PTCH2: variants seen among roughly 807,000 people sequenced by gnomAD.
The protein encoded by PTCH2 is patched 2, also known as protein patched homolog 2.
A neutral mutation model predicts 117.9 loss-of-function variants in PTCH2; 96 were observed. The observed-to-expected ratio is 0.81, with a 90% CI of 0.69 to 0.96. PTCH2 has a LOEUF of 0.96. PTCH2 is among the 50% of genes least tolerant of loss of function. PTCH2 has a pLI of 0.00. For synonymous variants in PTCH2, 615 were observed against 660.9 expected (o/e 0.93, Z 1.06); for missense variants, 1,379 against 1,562.5 (o/e 0.88, Z 1.98).
In PTCH2 at chr1:44,828,185, G is replaced by A. The variant is rs1313592725; in HGVS notation, c.1716C>T (p.Cys572=). ...GCAGGATCTGAATCACCTGAGCAGA[G>A]CAGGGACTGGAAGAGGTAGAGAGTG... ...LDVLCCFSSP[C]SAQVIQILPQ... Residue 572 remains cysteine (C), a synonymous_variant, in exon 14 of 22, where the codon TGC becomes TGT. Transcript: ENST00000372192. The A allele has an allele frequency of 3.1e-6, 5 of 1,613,424 alleles. No individual in the cohort carries two copies. The highest frequency in any genetic ancestry group is 4.2e-6 in the Non-Finnish European group (5 of 1,180,002).
At chr1:44,839,381 A>AAAAAAAAAAAAAAAAAAAAAAAAAAG (rs1432034383) in intron 2 of PTCH2, among the ~76,000 whole-genome samples, 1 of 150,458 alleles carries the variant, frequency 6.6e-6, no homozygotes, top group Non-Finnish European at 1.5e-5. Flanking sequence ...AAAAAAAAAA[A>AAAAAAAAAAAAAAAAAAAAAAAAAAG]AACAGAAAGA....
rs375690860 is a variant in PTCH2, at chr1:44,827,170, G to A, written c.2511C>T (p.Ser837=). The A allele has an allele frequency of 5.0e-6, 8 of 1,614,056 alleles. No individual in the cohort carries two copies. The African/African-American group carries it at 1.1e-4, about 22-fold the overall frequency. The change falls in exon 16 of 22, where the codon AGC becomes AGT. Residue 837 remains serine, a synonymous_variant. Coordinates refer to ENST00000372192, the MANE Select transcript of PTCH2 (RefSeq NM_003738.5). Reference sequence around the variant, plus strand: ...ACCCCTCCAGCCCTCTCCCAACCTGGCTGAAATCCAGAGGCTCCTGGGCGT... The same window carrying A: ...ACCCCTCCAGCCCTCTCCCAACCTGACTGAAATCCAGAGGCTCCTGGGCGT... ...TGDAQEPLDF[S]QLTTRKLVDR...
In PTCH2 at chr1:44,831,577, T is replaced by G; in HGVS notation, c.617+129A>C. The G allele has an allele frequency of 1.1e-6, 1 of 925,966 alleles. No homozygotes were observed. The highest frequency in any genetic ancestry group is 1.7e-6 in the Non-Finnish European group (1 of 589,302). The allele number at this position is 925,966 out of a possible 1,614,324, so 57.4% of individuals were successfully genotyped here. ...GAGAGCCTTGGGGAAGCCCATGCTC[T>G]CTGTTCCTGGCCTGGGAGGTAATTA... On this transcript the variant is annotated intron_variant, in intron 5 of 21. Coordinates refer to ENST00000372192, the MANE Select transcript of PTCH2 (RefSeq NM_003738.5). The surrounding 1 kb of genome is among the most constrained non-coding windows in gnomAD (Gnocchi z 4.3).
Position 44,828,501 on chromosome 1 carries a change from C to T in PTCH2, c.1590+5G>A, listed in dbSNP as rs1368630221. ...CCCTGAGCTGCCCCGTGTGAGAGGCCTCACCTGTAGGGAGAAGGCTCGCAG... is the reference window on the plus strand; with the variant it reads ...CCCTGAGCTGCCCCGTGTGAGAGGCTTCACCTGTAGGGAGAAGGCTCGCAG... On this transcript the variant is annotated splice_donor_5th_base_variant and intron_variant, in intron 12 of 21. Transcript: ENST00000372192. 8 of 1,614,160 alleles carry T rather than the reference C, an allele frequency of 5.0e-6. No homozygotes were observed. The highest frequency in any genetic ancestry group is 2.7e-5 in the African/African-American group (2 of 75,058).
At chr1:44,837,806 C>G (rs924159074) in intron 2 of PTCH2, among the ~76,000 whole-genome samples, 1 of 151,048 alleles carries the variant, frequency 6.6e-6, no homozygotes, top group Admixed American at 6.6e-5. Context: ...GTGCCGGGCC[C>G]GGTGGCTCAA....
rs750616128 is a variant in PTCH2 at position 44,829,296 on chromosome 1, A to G, written c.1232T>C (p.Val411Ala). The change falls in exon 10 of 22, where the codon GTG becomes GCG. Residue 411 changes from valine (V) to alanine (A), a missense_variant. Physicochemically the swap from Val to Ala is moderately conservative, Grantham distance 64. Coordinates refer to ENST00000372192, the MANE Select transcript of PTCH2 (RefSeq NM_003738.5). ...GYLLMLAYAC[V>A]TMLRWDCAQS... ...GGCGCAGTCCCACCGCAGCATGGTCACACAGGCATAGGCCAGCTGTGGGGG... is the reference window on the plus strand; with the variant it reads ...GGCGCAGTCCCACCGCAGCATGGTCGCACAGGCATAGGCCAGCTGTGGGGG... 3 of 1,613,678 alleles carry G rather than the reference A, an allele frequency of 1.9e-6. No homozygotes were observed. Among genetic ancestry groups the G allele is most frequent in the Non-Finnish European group, 2.5e-6 (3 of 1,179,960 alleles).
In PTCH2 at chr1:44,829,036, G is replaced by A. The variant is rs140228016; in HGVS notation, c.1410C>T (p.Asp470=). 2.1e-5 allele frequency: 34 copies of A among 1,594,796 alleles called. No individual in the cohort carries two copies. In the African/African-American group the frequency reaches 2.4e-4, roughly 11 times the overall value. The change falls in exon 11 of 22, where the codon GAC becomes GAT. Residue 470 remains aspartate, a synonymous_variant. Coordinates refer to ENST00000372192, the MANE Select transcript of PTCH2 (RefSeq NM_003738.5). ...TGAAGGCATGCGCCAGCAGGAATACGTCATCCACGCCGATTCCCAGAGCCA... is the reference window on the plus strand; with the variant it reads ...TGAAGGCATGCGCCAGCAGGAATACATCATCCACGCCGATTCCCAGAGCCA... ...PFLALGIGVD[D]VFLLAHAFTE... is the part of the protein sequence containing the mutation.
Position 44,830,895 on chromosome 1 carries a change from C to G in PTCH2, c.766G>C (p.Asp256His), listed in dbSNP as rs781647526. The change falls in exon 6 of 22, where the codon GAT (aspartate) becomes CAT (histidine). Residue 256 changes from aspartate to histidine, a missense_variant. Physicochemically the swap from Asp to His is moderately conservative, Grantham distance 81 (BLOSUM62 -1). Coordinates refer to ENST00000372192, the MANE Select transcript of PTCH2 (RefSeq NM_003738.5). The stretch of plus-strand genomic sequence containing the variant: ...GCACTAGGTGGGCAGTGGAGGTCAT[C>G]AGGGTGCAGACAGGGCCGCCCCACG... ...AYVGRPCLHP[D>H]DLHCPPSAPN... 6.3e-7 allele frequency: 1 copy of G among 1,576,120 alleles called. No individual in the cohort carries two copies. Among genetic ancestry groups the G allele is most frequent in the Non-Finnish European group, 8.7e-7 (1 of 1,152,818 alleles).
chr1:44,824,384 C>T (rs1016814235), intron 19 of PTCH2, among the ~76,000 whole-genome samples: 7 of 152,174 alleles, frequency 4.6e-5, no homozygotes, highest in African/African-American at 1.7e-4. Flanking sequence ...CCCCTTTCCT[C>T]TGCCAGAGAA....
Position 44,836,523 on chromosome 1 carries a change from C to T in PTCH2, c.266-4182G>A, listed in dbSNP as rs559805632. ...AAGAGGTTGAGACTAGCTTGGCCAA[C>T]GTGGTGAAACCCTGTCTTTACTAAA... On this transcript the variant is annotated intron_variant, in intron 2 of 21. Transcript: ENST00000372192. Among the ~76,000 whole-genome samples, 10 of 152,220 alleles carry T rather than the reference C, an allele frequency of 6.6e-5. No homozygotes were observed. The East Asian group carries it at 1.4e-3, about 21-fold the overall frequency.
In PTCH2 at chr1:44,828,407, A is replaced by G. The variant is rs61751010; in HGVS notation, c.1598T>C (p.Ile533Thr). Residue 533 changes from isoleucine (I) to threonine (T), a missense_variant, in exon 13 of 22, where the codon ATA (isoleucine) becomes ACA (threonine). Transcript: ENST00000372192. ...ALRAFSLQAA[I>T]VVGCTFVAVM... is the part of the protein sequence containing the mutation. Reference sequence around the variant, plus strand: ...GGCTACAAAGGTGCAGCCAACCACTATGGCCGCCTGGGGGACGGACAGGAG... The same window carrying G: ...GGCTACAAAGGTGCAGCCAACCACTGTGGCCGCCTGGGGGACGGACAGGAG... The G allele has an allele frequency of 3.5e-5, 57 of 1,614,166 alleles. No individual in the cohort carries two copies. The Admixed American group carries it at 6.0e-4, about 17-fold the overall frequency.
chr1:44,830,609 T>TAAAAAAAAAAAAAAAAAAA (rs1653397579), intron 6 of PTCH2, among the ~76,000 whole-genome samples: 14 of 84,814 alleles, frequency 1.7e-4, no homozygotes, highest in Admixed American at 2.3e-4. Flanking sequence ...AAAAAAGAAG[T>TAAAAAAAAAAAAAAAAAAA]CCAGCCTTAT....
chr1:44,821,973 AT>A lies in PTCH2; in HGVS notation c.*441del. Reference sequence around the variant, plus strand: ...TAGAATATATTTCATTCTTTAAAAAATAAAACTTTCATCATAGCTAACATGT... The same window carrying A: ...TAGAATATATTTCATTCTTTAAAAAAAAAACTTTCATCATAGCTAACATGT... On this transcript the variant is annotated 3_prime_UTR_variant, in exon 22 of 22. Coordinates refer to ENST00000372192, the MANE Select transcript of PTCH2 (RefSeq NM_003738.5). The A allele has an allele frequency of 7.6e-7, 1 of 1,311,734 alleles. No homozygotes were observed. Among genetic ancestry groups the A allele is most frequent in the East Asian group, 5.3e-5 (1 of 18,988 alleles). The allele number at this position is 1,311,734 out of a possible 1,614,324, so 81.3% of individuals were successfully genotyped here.
At position 44,822,597 on chromosome 1, in the gene PTCH2, C is replaced by G; in HGVS notation, c.3430G>C (p.Gly1144Arg). 1 of 1,614,014 alleles carries G rather than the reference C, an allele frequency of 6.2e-7. No homozygotes were observed. The highest frequency in any genetic ancestry group is 8.5e-7 in the Non-Finnish European group (1 of 1,179,972). Residue 1144 changes from glycine to arginine, a missense_variant, in exon 22 of 22, where the codon GGG becomes CGG. Physicochemically the swap from Gly to Arg is moderately radical, Grantham distance 125 (BLOSUM62 -2). Coordinates refer to ENST00000372192, the MANE Select transcript of PTCH2 (RefSeq NM_003738.5). ...CTCTGGGGCAGGGAGGAGGATGCCC[C>G]CCACCTAAGCCCGCCTCCCTGTGGA... Reference protein sequence around the residue: ...PAPQGGGLRWGASSSLPQSFA... With the variant: ...PAPQGGGLRWRASSSLPQSFA...
intron 9 of PTCH2, 43 bp downstream of exon 9, chr1:44,829,359 G>A (rs1573648995): frequency 6.2e-7 from 1 of 1,613,984 alleles, no homozygotes; most frequent in Non-Finnish European, 8.5e-7. Context: ...GTGGGCACTG[G>A]TTGGAGGTGG....
chr1:44,819,982 A>G (rs531385686), downstream of PTCH2: 4 of 155,172 alleles, frequency 2.6e-5, no homozygotes, highest in Admixed American at 1.9e-4. Flanking sequence ...TGCGCTTTGA[A>G]GAGAAACCCG....
At position 44,829,527 on chromosome 1, in the gene PTCH2, G is replaced by C. The variant is rs1315638429; in HGVS notation, c.1090C>G (p.Gln364Glu). The stretch of plus-strand genomic sequence containing the variant: ...GAAGCGTTCTCAGGCAGGGCCTCCT[G>C]GGCCAGCTGGAGAAACAGGGTGGAT... ...AWQRRFVQLA[Q>E]EALPENASQQ... The change falls in exon 9 of 22, where the codon CAG becomes GAG. Residue 364 changes from glutamine (Q) to glutamate (E), a missense_variant. Physicochemically the swap from Gln to Glu is conservative, Grantham distance 29. Coordinates refer to ENST00000372192, the MANE Select transcript of PTCH2 (RefSeq NM_003738.5). 1.4e-5 allele frequency: 23 copies of C among 1,614,056 alleles called. No individual in the cohort carries two copies. The highest frequency in any genetic ancestry group is 2.7e-5 in the African/African-American group (2 of 74,936).
Position 44,828,198 on chromosome 1 carries a change from G to T in PTCH2, c.1710-7C>A. 1 of 1,613,402 alleles carries T rather than the reference G, an allele frequency of 6.2e-7. No individual in the cohort carries two copies. Among genetic ancestry groups the T allele is most frequent in the Non-Finnish European group, 8.5e-7 (1 of 1,179,882 alleles). ...CACCTGAGCAGAGCAGGGACTGGAA[G>T]AGGTAGAGAGTGGATGACAGGTCTG... On this transcript the variant is annotated splice_polypyrimidine_tract_variant and splice_region_variant and intron_variant, in intron 13 of 21. Transcript: ENST00000372192.
At position 44,826,617 on chromosome 1, in the gene PTCH2, G is replaced by C. The variant is rs1653157347; in HGVS notation, c.2847C>G (p.Ser949=). The stretch of plus-strand genomic sequence containing the variant: ...GATACTGTTCCCAGAAGAGGAAGGG[G>C]GAGCCGCTGGGGTAGGCGTGCACCC... The part of the protein sequence containing the change: ...QAGVHAYPSG[S]PFLFWEQYLG... The change falls in exon 18 of 22, where the codon TCC becomes TCG. Residue 949 remains serine (S), a synonymous_variant. Coordinates refer to ENST00000372192, the MANE Select transcript of PTCH2 (RefSeq NM_003738.5). The surrounding 1 kb of genome is among the most constrained non-coding windows in gnomAD (Gnocchi z 5.1). 3 of 1,613,304 alleles carry C rather than the reference G, an allele frequency of 1.9e-6. No homozygotes were observed. Among genetic ancestry groups the C allele is most frequent in the Non-Finnish European group, 2.5e-6 (3 of 1,180,004 alleles).
Sources: gnomAD v4.1 joint callset for allele counts (sites outside exome capture counted in the v4.1 genomes callset) on GRCh38, gnomAD v4.1.1 for gene constraint, Gnocchi (gnomAD v3.1) non-coding constraint, MANE v1.5 for transcripts, NCBI Gene and HGNC (gene_info 2026-07-23, HGNC 2026-07-21) for gene names.